Variants in PCSK5 observed in about 807,000 individuals in gnomAD.
The protein encoded by PCSK5 is proprotein convertase subtilisin/kexin type 5, also known as prohormone convertase 5.
Under a neutral mutation model 233.2 loss-of-function variants are expected in PCSK5, and 129 were observed. That is an observed-to-expected ratio of 0.55 (90% CI 0.48 to 0.64). The LOEUF is 0.64. PCSK5 is among the 30% of genes least tolerant of loss of function. The pLI is 0.00. For missense variants in PCSK5, 2,076 were observed against 2,430.1 expected, an observed-to-expected ratio of 0.85 and a Z score of 3.06; for synonymous variants, 825 against 879.2, an observed-to-expected ratio of 0.94 and a Z score of 1.09.
At chr9:75,978,780 G>A (rs1437407489) in intron 2 of PCSK5, among the ~76,000 whole-genome samples, 1 of 151,678 alleles carries the variant, frequency 6.6e-6, no homozygotes, top group Non-Finnish European at 1.5e-5. Flanking sequence ...AAAGGATTAA[G>A]TCACTGTGTC....
chr9:75,919,266 A>T (rs1823139577), intron 1 of PCSK5, among the ~76,000 whole-genome samples: 1 of 152,156 alleles, frequency 6.6e-6, no homozygotes, highest in African/African-American at 2.4e-5. Flanking sequence ...TGCATCTGAG[A>T]TTCATCCTTG....
chr9:75,926,164 T>C (rs895193621), intron 1 of PCSK5, among the ~76,000 whole-genome samples: 3 of 150,616 alleles, frequency 2.0e-5, no homozygotes, highest in Non-Finnish European at 4.4e-5. Flanking sequence ...TCCCAATCGC[T>C]AAGTCACTCT....
rs184539425 is a variant in PCSK5 at position 76,103,213 on chromosome 9, T to A, written c.1108-4038T>A. ...ACATTTAAAATTTAGTTTCTGCCCT[T>A]CTCCCCCATAGCTGTGTCTGAAACA... is the stretch of plus-strand genomic sequence containing the variant. On this transcript the variant is annotated intron_variant, in intron 8 of 37. Coordinates refer to ENST00000674117, the MANE Select transcript of PCSK5 (RefSeq NM_001372043.1). 9.2e-5 allele frequency among the ~76,000 whole-genome samples: 14 copies of A among 152,272 alleles called. No individual in the cohort carries two copies. In the East Asian group the frequency reaches 2.3e-3, roughly 25 times the overall value.
intron 5 of PCSK5, among the ~76,000 whole-genome samples, chr9:76,064,457 G>T (rs112220641): frequency 3.0e-4 from 42 of 141,386 alleles, no homozygotes; most frequent in Admixed American, 1.9e-3. Flanking sequence ...CGGGCGGGGG[G>T]GCTGACCCCC....
chr9:76,144,772 T>C (rs1236667919), intron 10 of PCSK5, among the ~76,000 whole-genome samples: 2 of 152,214 alleles, frequency 1.3e-5, no homozygotes, highest in Admixed American at 1.3e-4. Context: ...TCAGTCTTGA[T>C]ACCCACAGAA....
At chr9:76,198,894 C>T (rs983537842) in intron 20 of PCSK5, among the ~76,000 whole-genome samples, 1 of 152,164 alleles carries the variant, frequency 6.6e-6, no homozygotes, top group Admixed American at 6.5e-5. Context: ...TCACTAATCA[C>T]GTGCTAAGGT....
At chr9:76,129,716 A>ATTTT (rs10663675) in intron 9 of PCSK5, among the ~76,000 whole-genome samples, 2 of 151,432 alleles carry the variant, frequency 1.3e-5, no homozygotes, top group Admixed American at 6.6e-5. Context: ...TTGGTGAAGG[A>ATTTT]TTTTTTTCTT....
intron 7 of PCSK5, among the ~76,000 whole-genome samples, chr9:76,090,133 C>A (rs1831225892): frequency 6.6e-6 from 1 of 152,190 alleles, no homozygotes; most frequent in South Asian, 2.1e-4. Context: ...AATCACACTA[C>A]TTCACCAAGC....
At chr9:76,073,779 G>A (rs571974752) in intron 7 of PCSK5, among the ~76,000 whole-genome samples, 1 of 152,048 alleles carries the variant, frequency 6.6e-6, no homozygotes, top group Non-Finnish European at 1.5e-5. Context: ...CAGACTAGTA[G>A]GCGTGTCACT....
chr9:76,159,816 CT>C (rs386415165), intron 12 of PCSK5, among the ~76,000 whole-genome samples: 14,980 of 97,192 alleles, frequency 0.15, 381 homozygotes, highest in East Asian at 0.21. Context: ...CTCTTCAGTC[CT>C]TTTTTTTTTT....
chr9:76,362,130 A>AT lies in PCSK5; in HGVS notation c.*3210dup, dbSNP rs1830439897. The AT allele has an allele frequency of 6.6e-6, 1 of 152,200 alleles. No individual in the cohort carries two copies. The highest frequency in any genetic ancestry group is 2.1e-4 in the South Asian group (1 of 4,834). The allele number at this position is 152,200 out of a possible 1,614,324, so 9.4% of individuals were successfully genotyped here. ...TCTTTGTTTTTAGTCATGCAACGTCATTCTTAGATGGCTTTTGAATACTAT... is the reference window on the plus strand; with the variant it reads ...TCTTTGTTTTTAGTCATGCAACGTCATTTCTTAGATGGCTTTTGAATACTAT... On this transcript the variant is annotated 3_prime_UTR_variant, in exon 38 of 38. Coordinates refer to ENST00000674117, the MANE Select transcript of PCSK5 (RefSeq NM_001372043.1).
intron 17 of PCSK5, 104 bp downstream of exon 17, chr9:76,184,861 T>C (rs779520589): frequency 5.4e-5 from 36 of 666,336 alleles, no homozygotes; most frequent in Non-Finnish European, 8.7e-5. Flanking sequence ...TCTCTTATGA[T>C]CTACCCTGGG....
chr9:76,055,929 T>A (rs1829804794), intron 5 of PCSK5, among the ~76,000 whole-genome samples: 1 of 152,216 alleles, frequency 6.6e-6, no homozygotes, highest in Non-Finnish European at 1.5e-5. Flanking sequence ...ATGCATAACA[T>A]GACCAATTAG....
chr9:75,942,875 TCTTC>T (rs1366019853), intron 2 of PCSK5, among the ~76,000 whole-genome samples: 3 of 134,348 alleles, frequency 2.2e-5, no homozygotes, highest in Non-Finnish European at 3.1e-5. Context: ...GTATTTCTTT[TCTTC>T]TTCTTCTTTT....
At chr9:76,188,439 A>G (rs1238918046) in intron 17 of PCSK5, 139 bp from the exon 18 acceptor site, 1 of 606,518 alleles carries the variant, frequency 1.6e-6, no homozygotes, top group Non-Finnish European at 3.0e-6. Flanking sequence ...TACACGGGCT[A>G]TTTCCCCGGC....
Position 76,024,311 on chromosome 9 carries a change from A to G in PCSK5, c.555+430A>G, listed in dbSNP as rs113701781. Reference sequence around the variant, plus strand: ...AAAGGACAGTAATGATCAGCCTCCCAGTAGTCTGTAGGAATCAATTCCTTT... The same window carrying G: ...AAAGGACAGTAATGATCAGCCTCCCGGTAGTCTGTAGGAATCAATTCCTTT... On this transcript the variant is annotated intron_variant, in intron 4 of 37. Coordinates refer to ENST00000674117, the MANE Select transcript of PCSK5 (RefSeq NM_001372043.1). 2.4e-3 allele frequency among the ~76,000 whole-genome samples: 360 copies of G among 152,294 alleles called. 6 individuals are homozygous for G. The highest frequency in any genetic ancestry group is 8.4e-3 in the African/African-American group (348 of 41,562).
chr9:76,340,112 A>G (rs947933641), intron 35 of PCSK5, among the ~76,000 whole-genome samples: 2 of 152,080 alleles, frequency 1.3e-5, no homozygotes, highest in Non-Finnish European at 2.9e-5. Context: ...TTAATTCTGT[A>G]ATACACTGCT....
chr9:75,951,800 C>G (rs889469442), intron 2 of PCSK5, among the ~76,000 whole-genome samples: 1 of 152,058 alleles, frequency 6.6e-6, no homozygotes. Flanking sequence ...CAACTATTTA[C>G]AGGGCATTTA....
At chr9:75,999,708 T>G (rs886722941) in intron 3 of PCSK5, among the ~76,000 whole-genome samples, 1 of 152,248 alleles carries the variant, frequency 6.6e-6, no homozygotes, top group Non-Finnish European at 1.5e-5. Flanking sequence ...ATTATGAACA[T>G]GTCACAGTGC....
Sources: allele counts gnomAD v4.1 joint callset (sites outside exome capture counted in the v4.1 genomes callset), GRCh38; gene constraint gnomAD v4.1.1; transcripts MANE v1.5; gene names NCBI Gene and HGNC (gene_info 2026-07-23, HGNC 2026-07-21).